The following AMPH variants were observed in gnomAD, a reference collection of about 807,000 sequenced individuals.
AMPH encodes amphiphysin (Stiff-Mann syndrome with breast cancer 128kD autoantigen).
A neutral mutation model predicts 99.1 loss-of-function variants in AMPH; 49 were observed. The observed-to-expected ratio is 0.49, with a 90% confidence interval of 0.39 to 0.63. AMPH has a LOEUF of 0.63. Ranked by LOEUF, AMPH falls within the 20% of genes least tolerant of loss-of-function variation. The pLI is 0.00. For synonymous variants in AMPH, 314 were observed against 317.3 expected, an observed-to-expected ratio of 0.99 and a Z score of 0.11; for missense variants, 759 against 863.4, an observed-to-expected ratio of 0.88 and a Z score of 1.52.
intron 11 of AMPH, among the ~76,000 whole-genome samples, chr7:38,446,993 C>A (rs778629376): frequency 6.6e-6 from 1 of 151,746 alleles, no homozygotes; most frequent in Non-Finnish European, 1.5e-5. Flanking sequence ...ATCACATTTC[C>A]AAAAATATAC....
At chr7:38,419,397 A>T (rs1000810044) in intron 16 of AMPH, among the ~76,000 whole-genome samples, 1 of 152,038 alleles carries the variant, frequency 6.6e-6, no homozygotes, top group Non-Finnish European at 1.5e-5. Context: ...TTTCAAAAGG[A>T]CATAATAAAT....
chr7:38,540,692 CAAAAAAAAAAAAAAAA>C (rs373768495), intron 1 of AMPH, among the ~76,000 whole-genome samples: 11 of 19,752 alleles, frequency 5.6e-4, no homozygotes, highest in East Asian at 5.0e-3. Flanking sequence ...TGACCCCAAG[CAAAAAAAAAAAAAAAA>C]AAAAAAAAAA....
At chr7:38,421,626 T>G (rs1486339266) in intron 16 of AMPH, among the ~76,000 whole-genome samples, 1 of 152,174 alleles carries the variant, frequency 6.6e-6, no homozygotes, top group Non-Finnish European at 1.5e-5. Context: ...AAGAAATCAT[T>G]CTATTTAATC....
At chr7:38,610,314 AAG>A (rs1793608347) in intron 1 of AMPH, among the ~76,000 whole-genome samples, 1 of 38,356 alleles carries the variant, frequency 2.6e-5, no homozygotes, top group African/African-American at 1.6e-4. Context: ...AAGAAAAGAA[AAG>A]AAAAGAAAAG....
At position 38,462,894 on chromosome 7, in the gene AMPH, G is replaced by A. The variant is rs192127233; in HGVS notation, c.888+81C>T. The A allele has an allele frequency of 8.3e-4, 1,174 of 1,420,900 alleles. 2 individuals carry two copies. The highest frequency in any genetic ancestry group is 1.0e-3 in the Non-Finnish European group (1,091 of 1,070,330). The allele number at this position is 1,420,900 out of a possible 1,614,324, so 88.0% of individuals were successfully genotyped here. On this transcript the variant is annotated intron_variant, in intron 10 of 20. Transcript: ENST00000356264. The stretch of plus-strand genomic sequence containing the variant: ...AACTGGAAACTTCTCTTAAAGCCCC[G>A]GCACCGTGGGATTATCCTAGATGGG...
intron 1 of AMPH, among the ~76,000 whole-genome samples, chr7:38,616,644 T>A (rs1420360408): frequency 6.6e-6 from 1 of 152,194 alleles, no homozygotes; most frequent in Non-Finnish European, 1.5e-5. Flanking sequence ...TACACTATAA[T>A]ATAATTTATC....
intron 2 of AMPH, among the ~76,000 whole-genome samples, chr7:38,516,140 AG>A (rs1300729288): frequency 1.3e-5 from 2 of 152,248 alleles, no homozygotes; most frequent in African/African-American, 4.8e-5. Flanking sequence ...CATTTTCTGG[AG>A]AAGAATTCAA....
intron 17 of AMPH, among the ~76,000 whole-genome samples, chr7:38,405,041 T>C (rs1159410198): frequency 6.6e-6 from 1 of 152,052 alleles, no homozygotes; most frequent in Non-Finnish European, 1.5e-5. Flanking sequence ...CCAGAAAAGA[T>C]TCGGGGCCTA....
chr7:38,429,507 T>C (rs1240869070), intron 14 of AMPH: 1 of 1,356,742 alleles, frequency 7.4e-7, no homozygotes, highest in Non-Finnish European at 9.7e-7. Flanking sequence ...TTGAATTTCT[T>C]CGGCCAACCC....
At chr7:38,576,736 A>C (rs1792260619) in intron 1 of AMPH, among the ~76,000 whole-genome samples, 1 of 152,092 alleles carries the variant, frequency 6.6e-6, no homozygotes, top group South Asian at 2.1e-4. Flanking sequence ...TGCCTGAGAG[A>C]TCTCACTTAA....
chr7:38,394,191 A>T lies in AMPH; in HGVS notation c.1422T>A (p.Asp474Glu), dbSNP rs1385058480. ...EAVIIPGADA[D>E]AAVGTLVSAA... Reference sequence around the variant, plus strand: ...CTGACACCAAGGTTCCAACAGCTGCATCAGCATCAGCTCCAGGTATGATCT... The same window carrying T: ...CTGACACCAAGGTTCCAACAGCTGCTTCAGCATCAGCTCCAGGTATGATCT... Residue 474 changes from aspartate (D) to glutamate (E), a missense_variant, in exon 18 of 21, where the codon GAT becomes GAA. Physicochemically the swap from Asp to Glu is conservative, Grantham distance 45. Transcript: ENST00000356264. The T allele has an allele frequency of 6.2e-7, 1 of 1,614,088 alleles. No individual in the cohort carries two copies. Among genetic ancestry groups the T allele is most frequent in the Non-Finnish European group, 8.5e-7 (1 of 1,180,044 alleles).
chr7:38,387,411 G>A (rs1784377313), intron 20 of AMPH, among the ~76,000 whole-genome samples: 1 of 152,090 alleles, frequency 6.6e-6, no homozygotes, highest in Non-Finnish European at 1.5e-5. Flanking sequence ...GACTATAAGT[G>A]GGAAATCTCA....
intron 10 of AMPH, among the ~76,000 whole-genome samples, chr7:38,461,941 A>T (rs550687942): frequency 2.0e-5 from 3 of 152,340 alleles, no homozygotes; most frequent in East Asian, 3.9e-4. Flanking sequence ...GATGGTCCTC[A>T]ACTTATGATG....
At chr7:38,425,649 G>T (rs1785756939) in intron 15 of AMPH, among the ~76,000 whole-genome samples, 2 of 152,176 alleles carry the variant, frequency 1.3e-5, no homozygotes, top group Admixed American at 6.5e-5. Flanking sequence ...GGGGCGAATT[G>T]GGTGGGTAGG....
Position 38,437,543 on chromosome 7 carries a change from AG to A in AMPH, c.1018-1156del, listed in dbSNP as rs752798217. On this transcript the variant is annotated intron_variant, in intron 11 of 20. Coordinates refer to ENST00000356264, the MANE Select transcript of AMPH (RefSeq NM_001635.4). ...ATGCCTGTAATCCCAGCACTTTGGG[AG>A]GCCGAGGTGGGCAGATCAGGAGGTG... 6.7e-5 allele frequency among the ~76,000 whole-genome samples: 10 copies of A among 149,390 alleles called. No homozygotes were observed. In the East Asian group the frequency reaches 1.2e-3, roughly 18 times the overall value.
chr7:38,415,289 T>G (rs1439030785), intron 17 of AMPH, among the ~76,000 whole-genome samples: 1 of 152,142 alleles, frequency 6.6e-6, no homozygotes, highest in African/African-American at 2.4e-5. Flanking sequence ...AATCACAAAC[T>G]TCATCTCAGG....
At chr7:38,576,922 C>A (rs550067162) in intron 1 of AMPH, among the ~76,000 whole-genome samples, 1 of 152,170 alleles carries the variant, frequency 6.6e-6, no homozygotes, top group South Asian at 2.1e-4. Context: ...TCTACCTGGC[C>A]GGGCTGTTCC....
chr7:38,420,365 T>C (rs1243745765), intron 16 of AMPH, among the ~76,000 whole-genome samples: 2 of 152,228 alleles, frequency 1.3e-5, no homozygotes, highest in Non-Finnish European at 2.9e-5. Flanking sequence ...AATTGTGCCC[T>C]ACCTTCACTG....
At chr7:38,506,580 T>G (rs988042891) in intron 2 of AMPH, among the ~76,000 whole-genome samples, 1 of 152,088 alleles carries the variant, frequency 6.6e-6, no homozygotes, top group African/African-American at 2.4e-5. Context: ...CCCTAAAAGG[T>G]ACAATTAGGA....
Sources: gnomAD v4.1 joint callset for allele counts (sites outside exome capture counted in the v4.1 genomes callset) on GRCh38, gnomAD v4.1.1 for gene constraint, MANE v1.5 for transcripts, NCBI Gene and HGNC (gene_info 2026-07-23, HGNC 2026-07-21) for gene names.